The following MEGF9 variants were observed in gnomAD, a reference collection of about 807,000 sequenced individuals.
MEGF9 encodes multiple epidermal growth factor-like domains protein 9.
A neutral mutation model predicts 46.8 loss-of-function variants in MEGF9; 6 were observed. The ratio of observed to expected loss-of-function variants is 0.13; its 90% CI spans 0.07 to 0.25. The LOEUF is 0.25. MEGF9 is among the 10% of genes least tolerant of loss of function. The pLI, the probability that MEGF9 is intolerant of heterozygous loss-of-function variation, is 1.00. For missense variants in MEGF9, 683 were observed against 792.4 expected (o/e 0.86, Z 1.66); for synonymous variants, 302 against 330.7 (o/e 0.91, Z 0.94).
At chr9:120,641,851 G>T (rs781360890) in intron 2 of MEGF9, among the ~76,000 whole-genome samples, 5 of 152,066 alleles carry the variant, frequency 3.3e-5, no homozygotes, top group Admixed American at 1.3e-4. Context: ...CTAAGAAGAG[G>T]GTACTTAAGG....
At chr9:120,607,620 A>T in intron 5 of MEGF9, 121 bp downstream of exon 5, 1 of 1,080,200 alleles carries the variant, frequency 9.3e-7, no homozygotes, top group South Asian at 1.6e-5. Context: ...CTTTAGGCAA[A>T]TATCTATCAA....
At chr9:120,606,472 CAA>C (rs2043420893) in intron 5 of MEGF9, among the ~76,000 whole-genome samples, 1 of 152,156 alleles carries the variant, frequency 6.6e-6, no homozygotes, top group Non-Finnish European at 1.5e-5. Context: ...TGACATCAGC[CAA>C]GAGAGAAAAC....
At chr9:120,610,031 C>A (rs967807193) in intron 4 of MEGF9, among the ~76,000 whole-genome samples, 2 of 152,102 alleles carry the variant, frequency 1.3e-5, no homozygotes, top group African/African-American at 2.4e-5. Context: ...TTACCACTTA[C>A]AATCCTAGTG....
At chr9:120,675,078 G>A (rs2043767061) in intron 1 of MEGF9, among the ~76,000 whole-genome samples, 1 of 151,992 alleles carries the variant, frequency 6.6e-6, no homozygotes, top group African/African-American at 2.4e-5. Flanking sequence ...CCTACCATAT[G>A]ACCCAATAAC....
intron 1 of MEGF9, among the ~76,000 whole-genome samples, chr9:120,662,397 G>A (rs1325589922): frequency 2.0e-5 from 3 of 152,106 alleles, no homozygotes; most frequent in Non-Finnish European, 4.4e-5. Flanking sequence ...AACTCTAACT[G>A]TACTGCCCCT....
At chr9:120,678,696 A>G (rs779832562) in intron 1 of MEGF9, among the ~76,000 whole-genome samples, 6 of 151,876 alleles carry the variant, frequency 4.0e-5, no homozygotes, top group Non-Finnish European at 8.8e-5. Flanking sequence ...CTGGTCTCGA[A>G]CTCCTGGCCT....
chr9:120,649,187 T>TA (rs1425702620), intron 2 of MEGF9, among the ~76,000 whole-genome samples: 1 of 152,242 alleles, frequency 6.6e-6, no homozygotes, highest in Non-Finnish European at 1.5e-5. Flanking sequence ...AATTGGTTTT[T>TA]AAAAAATATT....
At chr9:120,623,363 C>T (rs528377802) in intron 2 of MEGF9, among the ~76,000 whole-genome samples, 3 of 152,196 alleles carry the variant, frequency 2.0e-5, no homozygotes, top group Admixed American at 2.0e-4. Context: ...GTGTTTATGC[C>T]CTGTCCACAA....
chr9:120,698,566 C>T (rs1380325995), intron 1 of MEGF9, among the ~76,000 whole-genome samples: 4 of 152,166 alleles, frequency 2.6e-5, no homozygotes, highest in Admixed American at 2.0e-4. Context: ...CAATGTGTTA[C>T]CAGTCTACAG....
At chr9:120,607,494 G>A (rs2043424638) in intron 5 of MEGF9, among the ~76,000 whole-genome samples, 1 of 152,156 alleles carries the variant, frequency 6.6e-6, no homozygotes, top group Non-Finnish European at 1.5e-5. Context: ...AAAAATAGAT[G>A]AAGAGAAAAA....
At chr9:120,708,146 T>C (rs1002290365) in intron 1 of MEGF9, among the ~76,000 whole-genome samples, 30 of 152,228 alleles carry the variant, frequency 2.0e-4, no homozygotes, top group African/African-American at 6.5e-4. Context: ...TTGCCTGAGG[T>C]TGGGAGTTTG....
At chr9:120,631,174 T>C (rs185638117) in intron 2 of MEGF9, among the ~76,000 whole-genome samples, 12 of 152,292 alleles carry the variant, frequency 7.9e-5, no homozygotes, top group African/African-American at 2.9e-4. Flanking sequence ...GAGATAAAGG[T>C]CTAGTTTCAT....
chr9:120,702,678 G>A (rs1227945959), intron 1 of MEGF9, among the ~76,000 whole-genome samples: 1 of 152,160 alleles, frequency 6.6e-6, no homozygotes, highest in African/African-American at 2.4e-5. Context: ...TTTACTGAAA[G>A]GACAAATCCA....
intron 3 of MEGF9, among the ~76,000 whole-genome samples, chr9:120,614,236 C>T (rs879477508): frequency 4.6e-5 from 7 of 152,002 alleles, no homozygotes; most frequent in Admixed American, 1.3e-4. Flanking sequence ...TTGGCCAGGC[C>T]GGTCTCGAAC....
chr9:120,635,455 C>G (rs2043569884), intron 2 of MEGF9, among the ~76,000 whole-genome samples: 1 of 152,172 alleles, frequency 6.6e-6, no homozygotes, highest in South Asian at 2.1e-4. Context: ...AATACTTGTT[C>G]ACTTAATGGT....
intron 1 of MEGF9, among the ~76,000 whole-genome samples, chr9:120,667,599 C>T (rs778987778): frequency 2.0e-5 from 3 of 152,204 alleles, no homozygotes; most frequent in Admixed American, 6.5e-5. Flanking sequence ...CCCATTTTCA[C>T]AAGCCTAGGA....
chr9:120,676,372 G>A (rs528970377), intron 1 of MEGF9, among the ~76,000 whole-genome samples: 82 of 152,182 alleles, frequency 5.4e-4, no homozygotes, highest in African/African-American at 1.9e-3. Context: ...ATGTATATGA[G>A]TTTCATACAT....
At chr9:120,677,170 C>T (rs897465260) in intron 1 of MEGF9, among the ~76,000 whole-genome samples, 1 of 151,800 alleles carries the variant, frequency 6.6e-6, no homozygotes, top group Non-Finnish European at 1.5e-5. Context: ...CCTCGGTCGC[C>T]CAGGATGGAG....
In MEGF9 at chr9:120,603,777, T is replaced by G. The variant is rs2043407899; in HGVS notation, c.*1413A>C. On this transcript the variant is annotated 3_prime_UTR_variant, in exon 6 of 6. Transcript: ENST00000373930. ...TAGACACACCCATCTACAAAGCTGC[T>G]CATTAACCAGACAGGAAGACAATGG... 1 of 152,530 alleles carries G rather than the reference T, an allele frequency of 6.6e-6. No individual in the cohort carries two copies. Among genetic ancestry groups the G allele is most frequent in the Admixed American group, 6.5e-5 (1 of 15,274 alleles). 9.4% of individuals were successfully genotyped at this position (152,530 alleles called of 1,614,324 possible).
Sources: allele counts gnomAD v4.1 joint callset (sites outside exome capture counted in the v4.1 genomes callset), GRCh38; gene constraint gnomAD v4.1.1; transcripts MANE v1.5; gene names NCBI Gene and HGNC (gene_info 2026-07-23, HGNC 2026-07-21).